ESYT3: variants seen among roughly 807,000 people sequenced by gnomAD.
ESYT3 encodes the protein extended synaptotagmin-3.
ESYT3 carries 101 observed loss-of-function variants against 111.5 expected under a neutral mutation model. The observed-to-expected ratio is 0.91, with a 90% CI of 0.77 to 1.07. The LOEUF (loss-of-function observed/expected upper bound fraction) is 1.07, where lower values mean the gene tolerates loss of function less well. Among genes scored for constraint, ESYT3 ranks in the 50% least tolerant of loss-of-function variants. The pLI, the probability that ESYT3 is intolerant of heterozygous loss-of-function variation, is 0.00. For missense variants in ESYT3, 1,097 were observed against 1,109.4 expected (o/e 0.99, Z 0.16); for synonymous variants, 416 against 446.8 (o/e 0.93, Z 0.87).
Position 138,459,959 on chromosome 3 carries a change from G to A in ESYT3, c.663G>A (p.Leu221=). ...TGCCTATCCAGTTGCAGGGCACCCT[G>A]CGGGTCATCCTGGAGCCCCTCCTAG... ...GVNGIQLQGT[L]RVILEPLLVD... Residue 221 remains leucine (L), a synonymous_variant, in exon 6 of 23, where the codon CTG becomes CTA. Coordinates refer to ENST00000389567, the MANE Select transcript of ESYT3 (RefSeq NM_031913.5). 1.9e-6 allele frequency: 3 copies of A among 1,614,004 alleles called. No individual in the cohort carries two copies. The highest frequency in any genetic ancestry group is 1.3e-5 in the African/African-American group (1 of 75,046).
intron 5 of ESYT3, 100 bp from the exon 6 acceptor site, chr3:138,459,845 C>T (rs527820916): frequency 7.3e-5 from 73 of 997,646 alleles, no homozygotes; most frequent in East Asian, 4.1e-4. Flanking sequence ...TGTGGGGCAG[C>T]GTGGGCATGA....
At chr3:138,480,681 A>C (rs975894692), downstream of ESYT3, 2 of 152,244 alleles carry the variant, frequency 1.3e-5, no homozygotes, top group Non-Finnish European at 2.9e-5. Flanking sequence ...GAGCTATGCC[A>C]CGTTTGAGGT....
intron 1 of ESYT3, among the ~76,000 whole-genome samples, chr3:138,437,076 A>G (rs927812904): frequency 6.6e-6 from 1 of 151,954 alleles, no homozygotes; most frequent in East Asian, 1.9e-4. Context: ...GGCACCTCCT[A>G]GGTTTTCACC....
Position 138,473,580 on chromosome 3 carries a change from C to G in ESYT3, c.2282C>G (p.Thr761Arg). The stretch of plus-strand genomic sequence containing the variant: ...CGGCAGCTGGGTGAGATTCAGCTCA[C>G]AGTGCGCTATGTGTGTCTGCGGCGC... The part of the protein sequence containing the change: ...RRRQLGEIQL[T>R]VRYVCLRRCL... The change falls in exon 19 of 23, where the codon ACA becomes AGA. Residue 761 changes from threonine to arginine, a missense_variant. Coordinates refer to ENST00000389567, the MANE Select transcript of ESYT3 (RefSeq NM_031913.5). 1.2e-6 allele frequency: 2 copies of G among 1,613,924 alleles called. 1 individual carries two copies. Among genetic ancestry groups the G allele is most frequent in the Non-Finnish European group, 1.7e-6 (2 of 1,179,872 alleles).
In ESYT3 at chr3:138,434,806, C is replaced by T. The variant is rs761690758; in HGVS notation, c.8C>T (p.Ala3Val). 1 of 1,556,964 alleles carries T rather than the reference C, an allele frequency of 6.4e-7. No homozygotes were observed. The highest frequency in any genetic ancestry group is 1.9e-5 in the Admixed American group (1 of 53,168). MR[A>V]EEPCAPGAPS... ...CAAGACTGCGGCGACGAGATGCGAG[C>T]AGAGGAGCCCTGCGCCCCCGGGGCC... Residue 3 changes from alanine to valine, a missense_variant, in exon 1 of 23, where the codon GCA (alanine) becomes GTA (valine). By Grantham distance (64) the Ala-to-Val change is moderately conservative. Transcript: ENST00000389567.
At chr3:138,448,653 A>C (rs2108600126) in intron 1 of ESYT3, among the ~76,000 whole-genome samples, 1 of 152,316 alleles carries the variant, frequency 6.6e-6, no homozygotes, top group South Asian at 2.1e-4. Flanking sequence ...AGATTTCTTC[A>C]AGTTCCAAAA....
chr3:138,473,175 C>T (rs1281542807), intron 18 of ESYT3: 6 of 1,254,462 alleles, frequency 4.8e-6, no homozygotes, highest in South Asian at 2.3e-5. Flanking sequence ...TAATAAATGG[C>T]TGTCATTTAT....
At chr3:138,444,793 T>C (rs2031415629) in intron 1 of ESYT3, among the ~76,000 whole-genome samples, 1 of 152,226 alleles carries the variant, frequency 6.6e-6, no homozygotes, top group African/African-American at 2.4e-5. Context: ...GAATTCCCTT[T>C]ATAAAGGAGT....
intron 16 of ESYT3, chr3:138,470,659 C>A: frequency 7.3e-7 from 1 of 1,367,018 alleles, no homozygotes; most frequent in South Asian, 1.7e-5. Flanking sequence ...CTAGCTCATA[C>A]AGATCATAAT....
intron 14 of ESYT3, chr3:138,469,120 G>T: frequency 3.3e-6 from 2 of 604,698 alleles, no homozygotes; most frequent in Non-Finnish European, 5.9e-6. Context: ...ACCATTTTCT[G>T]GGTCACACAG....
chr3:138,441,896 G>A (rs537057251), intron 1 of ESYT3, among the ~76,000 whole-genome samples: 1 of 152,126 alleles, frequency 6.6e-6, no homozygotes, highest in South Asian at 2.1e-4. Context: ...GCCACAGAGG[G>A]ATGCAGAACT....
intron 11 of ESYT3, among the ~76,000 whole-genome samples, 163 bp downstream of exon 11, chr3:138,467,772 G>A (rs2033005364): frequency 6.6e-6 from 1 of 152,086 alleles, no homozygotes; most frequent in South Asian, 2.1e-4. Flanking sequence ...ATGGCTCCAG[G>A]GTATTCTCCA....
chr3:138,451,905 C>T lies in ESYT3; in HGVS notation c.328-143C>T. ...ACGCCGAGTGGGTGCGGAGAGCGCACCTGTGACCGACGTGGAGGCGGCGGG... is the reference window on the plus strand; with the variant it reads ...ACGCCGAGTGGGTGCGGAGAGCGCATCTGTGACCGACGTGGAGGCGGCGGG... On this transcript the variant is annotated intron_variant, in intron 1 of 22. Transcript: ENST00000389567. 3.4e-6 allele frequency: 3 copies of T among 878,052 alleles called. No individual in the cohort carries two copies. The South Asian group carries it at 4.3e-5, about 13-fold the overall frequency. 54.4% of individuals were successfully genotyped at this position (878,052 alleles called of 1,614,324 possible). A position where few individuals can be genotyped will look rare whatever the true frequency, so the allele number is the denominator to read the frequency against.
intron 1 of ESYT3, among the ~76,000 whole-genome samples, chr3:138,448,356 G>A (rs527689431): frequency 3.3e-5 from 5 of 150,554 alleles, no homozygotes; most frequent in South Asian, 2.1e-4. Flanking sequence ...TTAAAACCAC[G>A]TGGTACTGGA....
intron 8 of ESYT3, 171 bp downstream of exon 8, chr3:138,462,377 G>A (rs2032696505): frequency 1.1e-6 from 1 of 911,496 alleles, no homozygotes; most frequent in African/African-American, 1.7e-5. Context: ...TTTTGTCCTT[G>A]GGGTGTATCC....
At chr3:138,475,805 T>C (rs541868800) in intron 20 of ESYT3, among the ~76,000 whole-genome samples, 61 of 152,306 alleles carry the variant, frequency 4.0e-4, no homozygotes, top group South Asian at 8.3e-4. Flanking sequence ...GGTGCATGCC[T>C]GTAATCCCAG....
chr3:138,468,040 G>A, intron 11 of ESYT3, 65 bp from the exon 12 acceptor site: 1 of 1,483,018 alleles, frequency 6.7e-7, no homozygotes, highest in Non-Finnish European at 9.4e-7. Flanking sequence ...GGACTGGGCT[G>A]CCCAGAGAGC....
chr3:138,462,820 G>A (rs566633316), intron 8 of ESYT3, among the ~76,000 whole-genome samples: 16 of 152,118 alleles, frequency 1.1e-4, no homozygotes, highest in South Asian at 2.1e-4. Flanking sequence ...GCACTACCAC[G>A]CCTGGCTAAT....
At chr3:138,470,039 C>T in intron 15 of ESYT3, 21 bp from the exon 16 acceptor site, 3 of 1,601,786 alleles carry the variant, frequency 1.9e-6, no homozygotes, top group South Asian at 2.2e-5. Flanking sequence ...CTTCAATGAT[C>T]TCTCCCTCTT....
Sources: gnomAD v4.1 joint callset for allele counts (sites outside exome capture counted in the v4.1 genomes callset) on GRCh38, gnomAD v4.1.1 for gene constraint, MANE v1.5 for transcripts, NCBI Gene and HGNC (gene_info 2026-07-23, HGNC 2026-07-21) for gene names.